The following PCDHGA4 variants were observed in gnomAD, a reference collection of about 807,000 sequenced individuals.
The protein encoded by PCDHGA4 is protocadherin gamma-A4.
In PCDHGA4, 38 loss-of-function variants were observed where a neutral mutation model predicts 54.6. The ratio of observed to expected loss-of-function variants is 0.70; its 90% confidence interval spans 0.54 to 0.91. The LOEUF (loss-of-function observed/expected upper bound fraction) is 0.91, where lower values mean the gene tolerates loss of function less well. PCDHGA4 is among the 40% of genes least tolerant of loss of function. The pLI is 0.00. For missense variants in PCDHGA4, 1,298 were observed against 1,220.9 expected (o/e 1.06, Z -0.94); for synonymous variants, 511 against 512.9 (o/e 1.00, Z 0.05).
chr5:141,477,258 C>A lies in PCDHGA4; in HGVS notation c.2515-17549C>A. ...TTGCTCAGTGTGACTGACCTGGATG[C>A]TGGCGAGAACGGGCTGGTGACCTGC... On this transcript the variant is annotated intron_variant, in intron 1 of 3. Coordinates refer to ENST00000571252, the MANE Select transcript of PCDHGA4 (RefSeq NM_018917.4). The surrounding 1 kb of genome is among the most constrained non-coding windows in gnomAD (Gnocchi z 4.9). 6.2e-7 allele frequency: 1 copy of A among 1,614,208 alleles called. No homozygotes were observed. Among genetic ancestry groups the A allele is most frequent in the Non-Finnish European group, 8.5e-7 (1 of 1,180,042 alleles).
intron 1 of PCDHGA4, among the ~76,000 whole-genome samples, chr5:141,469,088 G>A (rs1388316490): frequency 6.6e-6 from 1 of 151,604 alleles, no homozygotes; most frequent in Non-Finnish European, 1.5e-5. Context: ...ACCATTCTAG[G>A]CAACAAAGCA....
At position 141,400,963 on chromosome 5, in the gene PCDHGA4, ATC is replaced by A. The variant is rs563949563; in HGVS notation, c.2514+43346_2514+43347del. ...TTCACTGATTTCACTGGTAGTTTTC[ATC>A]TCTTTCTTATGTTCCTCATATATGC... is the stretch of plus-strand genomic sequence containing the variant. On this transcript the variant is annotated intron_variant, in intron 1 of 3. Coordinates refer to ENST00000571252, the MANE Select transcript of PCDHGA4 (RefSeq NM_018917.4). 3.8e-3 allele frequency among the ~76,000 whole-genome samples: 582 copies of A among 152,338 alleles called. 6 individuals carry two copies. Among genetic ancestry groups the A allele is most frequent in the Admixed American group, 0.011 (171 of 15,304 alleles).
chr5:141,360,572 C>T, intron 1 of PCDHGA4: 3 of 1,613,998 alleles, frequency 1.9e-6, no homozygotes, highest in East Asian at 2.2e-5. Flanking sequence ...GGCGAATCCA[C>T]TAAGCCAGGT....
At chr5:141,446,985 C>T (rs1411339328) in intron 1 of PCDHGA4, among the ~76,000 whole-genome samples, 1 of 152,064 alleles carries the variant, frequency 6.6e-6, no homozygotes, top group Non-Finnish European at 1.5e-5. Context: ...AATTCATACT[C>T]CACTCTTCAG....
intron 1 of PCDHGA4, among the ~76,000 whole-genome samples, chr5:141,436,389 TTAAA>T (rs1385837876): frequency 6.6e-6 from 1 of 152,212 alleles, no homozygotes; most frequent in Non-Finnish European, 1.5e-5. Context: ...ATAGGCTTTA[TTAAA>T]TAGTTGTTGA....
At position 141,408,137 on chromosome 5, in the gene PCDHGA4, T is replaced by C; in HGVS notation, c.2514+50516T>C. ...CTCCTGTCCTGGGCCGAATGCTCTT[T>C]TAGCGCGGTAGAGTGCACTTTCTCC... On this transcript the variant is annotated intron_variant, in intron 1 of 3. Coordinates refer to ENST00000571252, the MANE Select transcript of PCDHGA4 (RefSeq NM_018917.4). 4.0e-6 allele frequency: 6 copies of C among 1,488,870 alleles called. No individual in the cohort carries two copies. The South Asian group carries it at 8.2e-5, about 20-fold the overall frequency. 92.2% of individuals were successfully genotyped at this position (1,488,870 alleles called of 1,614,324 possible).
intron 1 of PCDHGA4, chr5:141,361,614 G>A (rs919763957): frequency 2.4e-5 from 39 of 1,613,828 alleles, no homozygotes; most frequent in Non-Finnish European, 3.0e-5. Flanking sequence ...CCATCGTAGC[G>A]AGCGACCTGA....
chr5:141,407,589 C>G (rs1305349867), intron 1 of PCDHGA4, among the ~76,000 whole-genome samples: 1 of 151,660 alleles, frequency 6.6e-6, no homozygotes, highest in Non-Finnish European at 1.5e-5. Context: ...ACCTTAATGT[C>G]TCATCTTAAA....
At chr5:141,500,568 T>C (rs1562196424) in intron 2 of PCDHGA4, among the ~76,000 whole-genome samples, 2 of 152,190 alleles carry the variant, frequency 1.3e-5, no homozygotes, top group Admixed American at 6.5e-5. Context: ...CTTGTCACAC[T>C]TTCATGTGAC....
chr5:141,475,388 G>C (rs1230010845), intron 1 of PCDHGA4, among the ~76,000 whole-genome samples: 8 of 152,170 alleles, frequency 5.3e-5, no homozygotes, highest in Non-Finnish European at 1.0e-4. Flanking sequence ...AATTTTATAA[G>C]CCAGAGTTAA....
At chr5:141,360,424 G>A (rs1561520496) in intron 1 of PCDHGA4, 6 of 1,613,958 alleles carry the variant, frequency 3.7e-6, no homozygotes, top group Non-Finnish European at 3.4e-6. Context: ...ACAGATATGC[G>A]GGAAGCAGCC....
At chr5:141,378,925 T>C (rs1202116224) in intron 1 of PCDHGA4, 1 of 152,246 alleles carries the variant, frequency 6.6e-6, no homozygotes, top group African/African-American at 2.4e-5. Context: ...CAAAAGTAAG[T>C]TGATGGCCCT....
Position 141,483,381 on chromosome 5 carries a change from G to T in PCDHGA4, c.2515-11426G>T, listed in dbSNP as rs147887550. ...AAGCTATTGCAATATTTGAAGAGAA[G>T]ATTGATAAATGCTTGAACCAGCACA... On this transcript the variant is annotated intron_variant, in intron 1 of 3. Transcript: ENST00000571252. 2.0e-3 allele frequency among the ~76,000 whole-genome samples: 305 copies of T among 152,292 alleles called. 2 individuals are homozygous for T. Among genetic ancestry groups the T allele is most frequent in the African/African-American group, 6.9e-3 (286 of 41,558 alleles).
chr5:141,366,831 A>G, intron 1 of PCDHGA4: 1 of 1,522,238 alleles, frequency 6.6e-7, no homozygotes, highest in Non-Finnish European at 8.8e-7. Flanking sequence ...ATTCAGAATC[A>G]GCTAGTTATG....
intron 1 of PCDHGA4, among the ~76,000 whole-genome samples, chr5:141,373,124 C>A (rs933714666): frequency 1.3e-5 from 2 of 152,188 alleles, no homozygotes; most frequent in Non-Finnish European, 2.9e-5. Context: ...GAATTAGACC[C>A]AAATCCTCAC....
chr5:141,425,943 C>A (rs2096904576), intron 1 of PCDHGA4, among the ~76,000 whole-genome samples: 1 of 152,220 alleles, frequency 6.6e-6, no homozygotes, highest in Non-Finnish European at 1.5e-5. Flanking sequence ...TGTCTAGTTT[C>A]CTATACATTA....
At chr5:141,399,590 T>C (rs1369616193) in intron 1 of PCDHGA4, 5 of 1,613,854 alleles carry the variant, frequency 3.1e-6, no homozygotes, top group Admixed American at 3.3e-5. Flanking sequence ...TACTCTATCA[T>C]GGCCAGCGAC....
chr5:141,478,179 A>C, intron 1 of PCDHGA4: 1 of 1,613,996 alleles, frequency 6.2e-7, no homozygotes, highest in Non-Finnish European at 8.5e-7. Context: ...GAGCAGAAAA[A>C]AAATCTCACC....
intron 1 of PCDHGA4, chr5:141,414,623 C>G: frequency 6.2e-7 from 1 of 1,613,938 alleles, no homozygotes; most frequent in South Asian, 1.1e-5. Context: ...GCGCTGGACC[C>G]GGACAGCAAA....
Sources: allele counts gnomAD v4.1 joint callset (sites outside exome capture counted in the v4.1 genomes callset), GRCh38; gene constraint gnomAD v4.1.1; non-coding constraint Gnocchi (gnomAD v3.1); transcripts MANE v1.5; gene names NCBI Gene and HGNC (gene_info 2026-07-23, HGNC 2026-07-21).